The following MACROD2 variants were observed in gnomAD, a reference collection of about 807,000 sequenced individuals.
MACROD2 encodes ADP-ribose glycohydrolase MACROD2.
Under a neutral mutation model 70.4 loss-of-function variants are expected in MACROD2, and 36 were observed. That is an observed-to-expected ratio of 0.51 (90% confidence interval 0.39 to 0.68). The LOEUF (loss-of-function observed/expected upper bound fraction) is 0.68, where lower values mean the gene tolerates loss of function less well. Ranked by LOEUF, MACROD2 falls within the 30% of genes least tolerant of loss-of-function variation. The pLI is 0.00. For missense variants in MACROD2, 496 were observed against 538.4 expected (o/e 0.92, Z 0.78); for synonymous variants, 172 against 178.8 (o/e 0.96, Z 0.30).
At chr20:14,927,420 C>T (rs775434676) in intron 5 of MACROD2, among the ~76,000 whole-genome samples, 1 of 152,170 alleles carries the variant, frequency 6.6e-6, no homozygotes, top group East Asian at 1.9e-4. Flanking sequence ...CTATTACCCA[C>T]ATATTGTCAC....
chr20:14,937,795 T>C (rs1432832830), intron 5 of MACROD2, among the ~76,000 whole-genome samples: 2 of 152,128 alleles, frequency 1.3e-5, no homozygotes, highest in African/African-American at 2.4e-5. Flanking sequence ...TCTATGAAAC[T>C]GTATATTTGT....
rs59129207 is a variant in MACROD2, at chr20:15,227,823, G to GTTTTTTTTTTTTTTTTTTTTTTT, written c.419-2113_419-2091dup. On this transcript the variant is annotated intron_variant, in intron 5 of 17. Transcript: ENST00000684519. ...TAACTGGTGTGATAGAATTTCACCT[G>GTTTTTTTTTTTTTTTTTTTTTTT]TTTTTTTTTTTTTTTTTTTTTTTTT... Among the ~76,000 whole-genome samples the GTTTTTTTTTTTTTTTTTTTTTTT allele has an allele frequency of 5.9e-4, 27 of 46,102 alleles. 4 individuals are homozygous for GTTTTTTTTTTTTTTTTTTTTTTT. The highest frequency in any genetic ancestry group is 7.3e-4 in the Non-Finnish European group (19 of 25,996). The allele number at this position is 46,102 out of a possible 152,430, so 30.2% of individuals were successfully genotyped here. A position where few individuals can be genotyped will look rare whatever the true frequency, so the allele number is the denominator to read the frequency against.
intron 7 of MACROD2, among the ~76,000 whole-genome samples, chr20:15,461,796 A>T (rs759011236): frequency 6.6e-6 from 1 of 152,134 alleles, no homozygotes; most frequent in Non-Finnish European, 1.5e-5. Context: ...CCACCCAGAA[A>T]CTTGGTGGCT....
Position 14,837,729 on chromosome 20 carries a change from TC to T in MACROD2, c.418+152771del, listed in dbSNP as rs1344461643. Among the ~76,000 whole-genome samples the T allele has an allele frequency of 6.0e-5, 9 of 150,764 alleles. No individual in the cohort carries two copies. In the South Asian group the frequency reaches 1.0e-3, roughly 17 times the overall value. On this transcript the variant is annotated intron_variant, in intron 5 of 17. Coordinates refer to ENST00000684519, the MANE Select transcript of MACROD2 (RefSeq NM_001351661.2). ...CAAAATTTACCTTACTATGACAAAT[TC>T]TAATGTTTTACATAGGAAACAAAAT... is the stretch of plus-strand genomic sequence containing the variant.
chr20:15,367,291 G>A (rs1228553031), intron 6 of MACROD2, among the ~76,000 whole-genome samples: 1 of 152,116 alleles, frequency 6.6e-6, no homozygotes, highest in African/African-American at 2.4e-5. Context: ...CTCCCAAAGT[G>A]CTGGGATTAC....
At chr20:15,405,547 A>C (rs1054857684) in intron 6 of MACROD2, among the ~76,000 whole-genome samples, 1 of 152,148 alleles carries the variant, frequency 6.6e-6, no homozygotes, top group African/African-American at 2.4e-5. Flanking sequence ...ACACTTGTGC[A>C]TGCCTGCCTT....
At position 14,957,565 on chromosome 20, in the gene MACROD2, G is replaced by C. The variant is rs147871497; in HGVS notation, c.419-272375G>C. Among the ~76,000 whole-genome samples the C allele has an allele frequency of 4.6e-5, 7 of 152,192 alleles. 1 individual carries two copies. Among genetic ancestry groups the C allele is most frequent in the African/African-American group, 1.7e-4 (7 of 41,516 alleles). On this transcript the variant is annotated intron_variant, in intron 5 of 17. Transcript: ENST00000684519. The stretch of plus-strand genomic sequence containing the variant: ...TAGCAGCTCTAATCGATTGGTAATG[G>C]CTGATGGCTGTTTCTGTTGAGAACT...
chr20:14,995,264 G>A (rs773420362), intron 5 of MACROD2, among the ~76,000 whole-genome samples: 1 of 152,088 alleles, frequency 6.6e-6, no homozygotes, highest in African/African-American at 2.4e-5. Flanking sequence ...AAAACTTGTA[G>A]AGAGATGGGA....
At chr20:14,054,596 C>T (rs1354287926) in intron 2 of MACROD2, among the ~76,000 whole-genome samples, 2 of 152,008 alleles carry the variant, frequency 1.3e-5, no homozygotes, top group African/African-American at 2.4e-5. Flanking sequence ...TAAAAGTGGC[C>T]AGGGAGGGAG....
chr20:15,742,804 A>C (rs1391031056), intron 8 of MACROD2, among the ~76,000 whole-genome samples: 1 of 152,226 alleles, frequency 6.6e-6, no homozygotes, highest in African/African-American at 2.4e-5. Context: ...ATCATCATAC[A>C]TTCATTTCAA....
intron 5 of MACROD2, among the ~76,000 whole-genome samples, chr20:14,975,052 T>A (rs76958693): frequency 0.014 from 2,170 of 152,152 alleles, 59 homozygotes; most frequent in African/African-American, 0.05. Flanking sequence ...GTAGGATGCT[T>A]ATTTAGGGGC....
chr20:14,275,833 T>G (rs867128364), intron 3 of MACROD2, among the ~76,000 whole-genome samples: 4,097 of 152,148 alleles, frequency 0.027, 106 homozygotes, highest in African/African-American at 0.067. Flanking sequence ...GAACAGACAC[T>G]TCTCAAAAGA....
intron 2 of MACROD2, among the ~76,000 whole-genome samples, chr20:14,063,236 AAG>A (rs1175774347): frequency 4.6e-5 from 7 of 152,184 alleles, no homozygotes; most frequent in African/African-American, 7.2e-5. Context: ...TATTGTAACA[AAG>A]AGATTTACTA....
intron 5 of MACROD2, among the ~76,000 whole-genome samples, chr20:14,765,029 G>C (rs574586985): frequency 1.3e-5 from 2 of 152,042 alleles, no homozygotes. Flanking sequence ...CAGCTGAACC[G>C]GTACCTAGTG....
At chr20:15,623,721 G>T (rs199987150) in intron 8 of MACROD2, among the ~76,000 whole-genome samples, 10 of 104,610 alleles carry the variant, frequency 9.6e-5, no homozygotes, top group African/African-American at 2.6e-4. Flanking sequence ...TCTATCTATC[G>T]ATGTGTCTAT....
At chr20:15,451,362 A>G (rs1393246153) in intron 7 of MACROD2, among the ~76,000 whole-genome samples, 4 of 137,818 alleles carry the variant, frequency 2.9e-5, no homozygotes, top group Admixed American at 1.6e-4. Context: ...TTTCCTGCCT[A>G]TGGTGCTTTC....
At chr20:15,828,389 A>G (rs2064020176) in intron 8 of MACROD2, among the ~76,000 whole-genome samples, 1 of 152,128 alleles carries the variant, frequency 6.6e-6, no homozygotes, top group African/African-American at 2.4e-5. Flanking sequence ...CCAAATTTAA[A>G]CTTACCTCTC....
At chr20:14,048,135 A>G (rs887400772) in intron 2 of MACROD2, among the ~76,000 whole-genome samples, 3 of 152,178 alleles carry the variant, frequency 2.0e-5, no homozygotes, top group Non-Finnish European at 2.9e-5. Context: ...CTGCACAGAA[A>G]GCCAGTCAGA....
At chr20:15,570,739 A>G (rs188872213) in intron 8 of MACROD2, among the ~76,000 whole-genome samples, 2 of 152,196 alleles carry the variant, frequency 1.3e-5, no homozygotes, top group African/African-American at 4.8e-5. Flanking sequence ...CCTTTCTTGC[A>G]TCCTCAAAAA....
Sources: allele counts gnomAD v4.1 joint callset (sites outside exome capture counted in the v4.1 genomes callset), GRCh38; gene constraint gnomAD v4.1.1; transcripts MANE v1.5; gene names NCBI Gene and HGNC (gene_info 2026-07-23, HGNC 2026-07-21).